SHISA9: variants seen among roughly 807,000 people sequenced by gnomAD.
SHISA9 encodes protein shisa-9.
Under a neutral mutation model 38.0 loss-of-function variants are expected in SHISA9, and 13 were observed. The ratio of observed to expected loss-of-function variants is 0.34; its 90% CI spans 0.22 to 0.54. The LOEUF is 0.54. Among genes scored for constraint, SHISA9 ranks in the 20% least tolerant of loss-of-function variants. The pLI is 0.91. For synonymous variants in SHISA9, 275 were observed against 242.0 expected, an observed-to-expected ratio of 1.14 and a Z score of -1.27; for missense variants, 538 against 575.8, an observed-to-expected ratio of 0.93 and a Z score of 0.67.
At chr16:13,211,630 G>C (rs981418506) in intron 3 of SHISA9, among the ~76,000 whole-genome samples, 3 of 152,164 alleles carry the variant, frequency 2.0e-5, no homozygotes, top group Non-Finnish European at 4.4e-5. Flanking sequence ...CAAGTACACA[G>C]TGGAGCCTTA....
At chr16:13,380,074 A>G in the SHISA9 span, among the ~76,000 whole-genome samples, 2 of 152,172 alleles carry the variant, frequency 1.3e-5, no homozygotes, top group African/African-American at 4.8e-5. Flanking sequence ...GTAGAACCGA[A>G]AGACGAAGAT....
the SHISA9 span, among the ~76,000 whole-genome samples, chr16:13,269,437 A>T: frequency 6.6e-6 from 1 of 152,202 alleles, no homozygotes; most frequent in Non-Finnish European, 1.5e-5. Flanking sequence ...TGGTGATCAC[A>T]AACAGAAAAC....
At chr16:13,462,957 A>G in the SHISA9 span, among the ~76,000 whole-genome samples, 6 of 144,592 alleles carry the variant, frequency 4.1e-5, no homozygotes, top group African/African-American at 1.3e-4. Context: ...GGGAGACTCC[A>G]TCTTAAAAAA....
intron 1 of SHISA9, among the ~76,000 whole-genome samples, chr16:12,905,816 G>C (rs1437126614): frequency 2.0e-5 from 3 of 152,070 alleles, no homozygotes; most frequent in Non-Finnish European, 4.4e-5. Context: ...GGCCAGGCTG[G>C]TCTCGAACTC....
chr16:13,443,299 A>G, the SHISA9 span, among the ~76,000 whole-genome samples: 48 of 152,308 alleles, frequency 3.2e-4, no homozygotes, highest in African/African-American at 9.9e-4. Flanking sequence ...TTTTTCTAGG[A>G]GAGGAGGTTT....
At chr16:13,302,568 C>T in the SHISA9 span, among the ~76,000 whole-genome samples, 3 of 152,148 alleles carry the variant, frequency 2.0e-5, no homozygotes, top group African/African-American at 7.2e-5. Flanking sequence ...CCCAGAGGCT[C>T]CCAGAAGGGG....
chr16:13,549,825 C>A, the SHISA9 span, among the ~76,000 whole-genome samples: 1 of 152,162 alleles, frequency 6.6e-6, no homozygotes, highest in East Asian at 1.9e-4. Flanking sequence ...GAGTTCAAGA[C>A]TAGCCTGGCC....
At chr16:13,472,731 C>A in the SHISA9 span, among the ~76,000 whole-genome samples, 2 of 152,080 alleles carry the variant, frequency 1.3e-5, no homozygotes, top group Non-Finnish European at 2.9e-5. Context: ...CTTTTAATTT[C>A]ATTTTTGATA....
intron 2 of SHISA9, among the ~76,000 whole-genome samples, chr16:13,089,349 T>TA (rs1172057796): frequency 6.6e-6 from 1 of 152,260 alleles, no homozygotes. Context: ...TCTTTTTCTA[T>TA]TGACTGGAGT....
rs1281575247 is a variant in SHISA9 at position 13,023,532 on chromosome 16, C to T, written c.691+106717C>T. Among the ~76,000 whole-genome samples, 4 of 152,134 alleles carry T rather than the reference C, an allele frequency of 2.6e-5. No individual in the cohort carries two copies. The South Asian group carries it at 8.3e-4, about 32-fold the overall frequency. ...TGATTTATAATCCTTCGGGTATATACCCAGTAATGGGATTGCTGGGTCAAA... is the reference window on the plus strand; with the variant it reads ...TGATTTATAATCCTTCGGGTATATATCCAGTAATGGGATTGCTGGGTCAAA... On this transcript the variant is annotated intron_variant, in intron 2 of 4. Coordinates refer to ENST00000558583, the MANE Select transcript of SHISA9 (RefSeq NM_001145204.3).
chr16:13,119,561 A>G (rs2074065092), intron 2 of SHISA9, among the ~76,000 whole-genome samples: 1 of 152,258 alleles, frequency 6.6e-6, no homozygotes, highest in Non-Finnish European at 1.5e-5. Context: ...AACAATCATT[A>G]TAATCATTAA....
At chr16:12,972,824 T>C (rs1222344284) in intron 2 of SHISA9, among the ~76,000 whole-genome samples, 2 of 152,144 alleles carry the variant, frequency 1.3e-5, no homozygotes, top group African/African-American at 4.8e-5. Flanking sequence ...TTTTAAAGAA[T>C]GGATTTTGTG....
At chr16:13,360,069 C>T in the SHISA9 span, among the ~76,000 whole-genome samples, 13 of 152,312 alleles carry the variant, frequency 8.5e-5, no homozygotes, top group South Asian at 6.2e-4. Context: ...GAAGGACATC[C>T]GGTTCTGGGG....
At chr16:13,266,271 A>T in the SHISA9 span, among the ~76,000 whole-genome samples, 1 of 152,204 alleles carries the variant, frequency 6.6e-6, no homozygotes, top group Non-Finnish European at 1.5e-5. Flanking sequence ...GTATTTCTAA[A>T]TATGCATGCA....
At chr16:13,404,517 G>GGTA in the SHISA9 span, among the ~76,000 whole-genome samples, 3 of 152,132 alleles carry the variant, frequency 2.0e-5, no homozygotes, top group African/African-American at 7.2e-5. Context: ...AAGGCCCTGT[G>GGTA]GTAGAAAGTA....
chr16:13,173,161 A>G (rs890275271), intron 2 of SHISA9, among the ~76,000 whole-genome samples: 6 of 150,866 alleles, frequency 4.0e-5, no homozygotes, highest in Non-Finnish European at 8.8e-5. Context: ...GCGCACACAC[A>G]CACACACACA....
chr16:13,131,047 A>C (rs1483190148), intron 2 of SHISA9, among the ~76,000 whole-genome samples: 1 of 152,228 alleles, frequency 6.6e-6, no homozygotes, highest in Non-Finnish European at 1.5e-5. Flanking sequence ...TGTGGAAGAC[A>C]GTGTGGCGAT....
At chr16:13,493,084 G>C in the SHISA9 span, among the ~76,000 whole-genome samples, 2 of 152,218 alleles carry the variant, frequency 1.3e-5, no homozygotes, top group African/African-American at 4.8e-5. Flanking sequence ...AAAAGTGGAG[G>C]AGAAGGGAAT....
chr16:13,505,595 TCA>T, the SHISA9 span, among the ~76,000 whole-genome samples: 1 of 152,354 alleles, frequency 6.6e-6, no homozygotes, highest in Middle Eastern at 3.4e-3. Context: ...GTGGAGTGGT[TCA>T]CAGTCTACAA....
Sources: gnomAD v4.1 joint callset for allele counts (sites outside exome capture counted in the v4.1 genomes callset) on GRCh38, gnomAD v4.1.1 for gene constraint, MANE v1.5 for transcripts, NCBI Gene and HGNC (gene_info 2026-07-23, HGNC 2026-07-21) for gene names.